Variants in MIPOL1 observed in about 807,000 individuals in gnomAD.
The protein encoded by MIPOL1 is mirror-image polydactyly 1.
Under a neutral mutation model 60.9 loss-of-function variants are expected in MIPOL1, and 57 were observed. That is an observed-to-expected ratio of 0.94 (90% confidence interval 0.76 to 1.17). The LOEUF is 1.17. MIPOL1 is among the 50% of genes most tolerant of loss of function. The probability of loss-of-function intolerance (pLI) is 0.00; values close to 1 mark genes in which losing one functional copy is unlikely to be tolerated. For missense variants in MIPOL1, 551 were observed against 511.6 expected (o/e 1.08, Z -0.74); for synonymous variants, 179 against 168.8 (o/e 1.06, Z -0.47).
chr14:37,260,343 T>G (rs914147895), intron 3 of MIPOL1, among the ~76,000 whole-genome samples: 1 of 152,034 alleles, frequency 6.6e-6, no homozygotes, highest in African/African-American at 2.4e-5. Flanking sequence ...TTTGTTCCAG[T>G]ATATTTTAGG....
intron 11 of MIPOL1, among the ~76,000 whole-genome samples, chr14:37,463,897 C>T (rs562195012): frequency 6.6e-6 from 1 of 152,104 alleles, no homozygotes; most frequent in South Asian, 2.1e-4. Context: ...CTACAAGAAA[C>T]TCAAATAGCT....
chr14:37,262,051 AAC>A (rs2082550960), intron 3 of MIPOL1, among the ~76,000 whole-genome samples: 3 of 152,076 alleles, frequency 2.0e-5, no homozygotes, highest in Non-Finnish European at 4.4e-5. Flanking sequence ...TGGGGGGAAA[AAC>A]ACATATAATA....
chr14:37,240,287 T>C (rs1972145096), intron 1 of MIPOL1: 1 of 152,212 alleles, frequency 6.6e-6, no homozygotes, highest in South Asian at 2.1e-4. Flanking sequence ...CATTATAATA[T>C]ATGATGAATT....
chr14:37,274,428 C>T (rs1270952355), intron 6 of MIPOL1, among the ~76,000 whole-genome samples: 1 of 151,400 alleles, frequency 6.6e-6, no homozygotes, highest in Non-Finnish European at 1.5e-5. Context: ...ATCATTGATA[C>T]TGTTTATTAA....
At chr14:37,425,130 T>C (rs1173536209) in intron 11 of MIPOL1, among the ~76,000 whole-genome samples, 1 of 152,208 alleles carries the variant, frequency 6.6e-6, no homozygotes, top group East Asian at 1.9e-4. Flanking sequence ...ATTCACCTTA[T>C]TGATGGGGAA....
intron 7 of MIPOL1, among the ~76,000 whole-genome samples, chr14:37,292,938 G>T (rs570195818): frequency 4.6e-5 from 7 of 152,226 alleles, no homozygotes; most frequent in African/African-American, 1.7e-4. Context: ...TTTGCTAGAG[G>T]TTCTGTCTTC....
chr14:37,423,164 T>C (rs1465865195), intron 11 of MIPOL1, among the ~76,000 whole-genome samples: 1 of 151,856 alleles, frequency 6.6e-6, no homozygotes, highest in African/African-American at 2.4e-5. Context: ...TCCACTTTCA[T>C]TGTAACTGAA....
chr14:37,230,816 G>T (rs1260607940), intron 1 of MIPOL1, among the ~76,000 whole-genome samples: 2 of 152,134 alleles, frequency 1.3e-5, no homozygotes, highest in African/African-American at 2.4e-5. Flanking sequence ...TTGTGCTACT[G>T]CATGGCAAAC....
chr14:37,457,246 T>C (rs1207722042), intron 11 of MIPOL1, among the ~76,000 whole-genome samples: 4 of 152,162 alleles, frequency 2.6e-5, no homozygotes, highest in Non-Finnish European at 5.9e-5. Flanking sequence ...TTCCTAAATC[T>C]GGATAAAATC....
At chr14:37,521,913 T>A (rs868562548) in intron 12 of MIPOL1, among the ~76,000 whole-genome samples, 6,033 of 146,852 alleles carry the variant, frequency 0.041, 156 homozygotes, top group Middle Eastern at 0.12. Context: ...TATATATATT[T>A]TTTTTTTCTT....
intron 11 of MIPOL1, among the ~76,000 whole-genome samples, chr14:37,482,695 G>A (rs2094889387): frequency 6.6e-6 from 1 of 152,172 alleles, no homozygotes; most frequent in Non-Finnish European, 1.5e-5. Flanking sequence ...CCTCTCACCA[G>A]GTTCCTCCCT....
chr14:37,242,388 A>G (rs1285318737), intron 1 of MIPOL1, among the ~76,000 whole-genome samples: 1 of 152,092 alleles, frequency 6.6e-6, no homozygotes, highest in Non-Finnish European at 1.5e-5. Flanking sequence ...TTTTTAATTT[A>G]TCCATACTTT....
chr14:37,257,095 T>TTGTGTGTGTGTGTGTGTGTGTGTGTGTG (rs61079220), intron 3 of MIPOL1, among the ~76,000 whole-genome samples: 2 of 137,708 alleles, frequency 1.5e-5, no homozygotes, highest in Non-Finnish European at 3.1e-5. Flanking sequence ...TGGTTTTGTT[T>TTGTGTGTGTGTGTGTGTGTGTGTGTGTG]TGTGTGTGTG....
At chr14:37,443,496 G>C (rs1210172381) in intron 11 of MIPOL1, among the ~76,000 whole-genome samples, 3 of 148,210 alleles carry the variant, frequency 2.0e-5, no homozygotes, top group Non-Finnish European at 4.5e-5. Context: ...AGGAGGAAGA[G>C]GAGGAGGAAT....
intron 6 of MIPOL1, among the ~76,000 whole-genome samples, chr14:37,284,117 G>T (rs2084352554): frequency 6.6e-6 from 1 of 152,072 alleles, no homozygotes; most frequent in African/African-American, 2.4e-5. Flanking sequence ...TAAACCTCCT[G>T]ATATAGTGCT....
intron 1 of MIPOL1, among the ~76,000 whole-genome samples, chr14:37,211,097 G>A (rs968431797): frequency 6.6e-6 from 1 of 152,278 alleles, no homozygotes; most frequent in African/African-American, 2.4e-5. Flanking sequence ...TGCAAAGGCA[G>A]TTTCAGATGT....
intron 1 of MIPOL1, among the ~76,000 whole-genome samples, chr14:37,198,718 AAC>A (rs777757952): frequency 6.6e-6 from 1 of 152,206 alleles, no homozygotes; most frequent in Non-Finnish European, 1.5e-5. Context: ...ACTTTCCACA[AAC>A]ACACGCGTTT....
At chr14:37,276,995 A>T (rs1462489563) in intron 6 of MIPOL1, 1 of 151,062 alleles carries the variant, frequency 6.6e-6, no homozygotes, top group Non-Finnish European at 1.5e-5. Context: ...AAAGAATATA[A>T]CCAATTTGTA....
At chr14:37,357,421 T>C (rs554951799) in intron 9 of MIPOL1, among the ~76,000 whole-genome samples, 1 of 152,276 alleles carries the variant, frequency 6.6e-6, no homozygotes, top group Admixed American at 6.5e-5. Context: ...GCATTTGTTA[T>C]TACTTGTCTT....
Sources: allele counts gnomAD v4.1 joint callset (sites outside exome capture counted in the v4.1 genomes callset), GRCh38; gene constraint gnomAD v4.1.1; transcripts MANE v1.5; gene names NCBI Gene and HGNC (gene_info 2026-07-23, HGNC 2026-07-21).